SLC1A1: variants seen among roughly 807,000 people sequenced by gnomAD.
The protein encoded by SLC1A1 is solute carrier family 1 member 1, also known as excitatory amino acid transporter 3.
Under a neutral mutation model 53.3 loss-of-function variants are expected in SLC1A1, and 43 were observed. The observed-to-expected ratio is 0.81, with a 90% CI of 0.63 to 1.04. The LOEUF is 1.04. Among genes scored for constraint, SLC1A1 ranks in the 50% least tolerant of loss-of-function variants. The pLI is 0.00. For missense variants in SLC1A1, 748 were observed against 664.9 expected, an observed-to-expected ratio of 1.12 and a Z score of -1.37; for synonymous variants, 307 against 243.2, an observed-to-expected ratio of 1.26 and a Z score of -2.44.
At chr9:4,540,732 C>A (rs746731585) in intron 1 of SLC1A1, among the ~76,000 whole-genome samples, 7 of 152,310 alleles carry the variant, frequency 4.6e-5, no homozygotes, top group Non-Finnish European at 8.8e-5. Flanking sequence ...AGATCCAGCA[C>A]CCGTGCACTG....
intron 2 of SLC1A1, among the ~76,000 whole-genome samples, chr9:4,550,348 G>C (rs115052991): frequency 6.6e-6 from 1 of 152,110 alleles, no homozygotes; most frequent in African/African-American, 2.4e-5. Flanking sequence ...AAAATTTTTA[G>C]GGCTTGACCT....
chr9:4,527,345 C>T (rs78835929), intron 1 of SLC1A1, among the ~76,000 whole-genome samples: 3,407 of 152,204 alleles, frequency 0.022, 129 homozygotes, highest in African/African-American at 0.079. Flanking sequence ...AAATATTACC[C>T]GTGTGTTGTT....
chr9:4,560,552 T>A (rs1293554864), intron 2 of SLC1A1, among the ~76,000 whole-genome samples: 1 of 152,220 alleles, frequency 6.6e-6, no homozygotes, highest in East Asian at 1.9e-4. Context: ...CATCTTTACC[T>A]TTTCTCCTTT....
chr9:4,500,888 G>A (rs113789775), intron 1 of SLC1A1, among the ~76,000 whole-genome samples: 1 of 152,154 alleles, frequency 6.6e-6, no homozygotes, highest in African/African-American at 2.4e-5. Flanking sequence ...CCAGCTCACA[G>A]ATGCTTCATG....
chr9:4,553,526 C>T (rs983088999), intron 2 of SLC1A1: 7 of 152,168 alleles, frequency 4.6e-5, no homozygotes, highest in African/African-American at 1.7e-4. Context: ...GCCACCACCA[C>T]CGGCTAATTT....
At chr9:4,494,402 TTTGA>T (rs750294154) in intron 1 of SLC1A1, among the ~76,000 whole-genome samples, 8 of 152,278 alleles carry the variant, frequency 5.3e-5, no homozygotes, top group Non-Finnish European at 8.8e-5. Flanking sequence ...ATCTGAATAA[TTTGA>T]TTATGAGAAA....
At chr9:4,571,198 A>G (rs1283014935) in intron 6 of SLC1A1, among the ~76,000 whole-genome samples, 5 of 152,166 alleles carry the variant, frequency 3.3e-5, no homozygotes, top group African/African-American at 1.2e-4. Context: ...ACATGGACAC[A>G]TAGAGGGGAA....
chr9:4,570,120 C>G (rs560076630), intron 6 of SLC1A1, among the ~76,000 whole-genome samples: 8 of 152,276 alleles, frequency 5.3e-5, no homozygotes, highest in South Asian at 4.1e-4. Flanking sequence ...TTCCTCAGCC[C>G]TAGCTTTCCC....
rs536210087 is a variant in SLC1A1 at position 4,556,256 on chromosome 9, G to C, written c.233-5193G>C. ...GCTGGTCTCAAACTCCTGACCTCAG[G>C]TGATCCACCTGCCTGGGCCTCCCAA... On this transcript the variant is annotated intron_variant, in intron 2 of 11. Coordinates refer to ENST00000262352, the MANE Select transcript of SLC1A1 (RefSeq NM_004170.6). This position sits in a 1 kb window ranked among gnomAD's most constrained non-coding sequence, Gnocchi z 4.1. Among the ~76,000 whole-genome samples, 1 of 152,272 alleles carries C rather than the reference G, an allele frequency of 6.6e-6. No homozygotes were observed. The highest frequency in any genetic ancestry group is 2.1e-4 in the South Asian group (1 of 4,818).
intron 1 of SLC1A1, among the ~76,000 whole-genome samples, chr9:4,541,743 T>C (rs548025121): frequency 6.6e-6 from 1 of 152,236 alleles, no homozygotes; most frequent in Non-Finnish European, 1.5e-5. Context: ...TTTTCAATTA[T>C]TTATTTTCAC....
chr9:4,523,163 G>A (rs1816142011), intron 1 of SLC1A1, among the ~76,000 whole-genome samples: 1 of 152,156 alleles, frequency 6.6e-6, no homozygotes, highest in South Asian at 2.1e-4. Flanking sequence ...CCTGTGCTGA[G>A]TTGCATCTAT....
intron 1 of SLC1A1, among the ~76,000 whole-genome samples, chr9:4,530,712 A>C (rs1816435869): frequency 6.6e-6 from 1 of 152,330 alleles, no homozygotes; most frequent in South Asian, 2.1e-4. Flanking sequence ...TTGCTTTAAT[A>C]ACACAATTAT....
chr9:4,525,795 A>T (rs1305522622), intron 1 of SLC1A1, among the ~76,000 whole-genome samples: 1 of 152,184 alleles, frequency 6.6e-6, no homozygotes, highest in Non-Finnish European at 1.5e-5. Context: ...CATCACAGAG[A>T]GATAAAAAAT....
chr9:4,501,552 G>T (rs927986107), intron 1 of SLC1A1, among the ~76,000 whole-genome samples: 1 of 151,534 alleles, frequency 6.6e-6, no homozygotes, highest in Admixed American at 6.6e-5. Context: ...ATCACCTGAG[G>T]TCAGGAGTTC....
chr9:4,516,599 C>T (rs896121118), intron 1 of SLC1A1, among the ~76,000 whole-genome samples: 5 of 152,218 alleles, frequency 3.3e-5, no homozygotes, highest in African/African-American at 1.2e-4. Flanking sequence ...ATGGGCTTCA[C>T]TTTCCTGCCT....
intron 3 of SLC1A1, among the ~76,000 whole-genome samples, 177 bp downstream of exon 3, chr9:4,561,718 G>A (rs568143661): frequency 1.3e-5 from 2 of 151,978 alleles, no homozygotes; most frequent in East Asian, 1.9e-4. Flanking sequence ...ATGAAAACCC[G>A]TTTCTACCAA....
At chr9:4,534,681 A>C (rs1816606436) in intron 1 of SLC1A1, among the ~76,000 whole-genome samples, 1 of 133,878 alleles carries the variant, frequency 7.5e-6, no homozygotes, top group African/African-American at 2.7e-5. Context: ...CAATCAATAG[A>C]AAAAGAGGGA....
intron 4 of SLC1A1, among the ~76,000 whole-genome samples, chr9:4,565,640 C>T (rs949016842): frequency 1.3e-5 from 2 of 152,148 alleles, no homozygotes; most frequent in Non-Finnish European, 2.9e-5. Flanking sequence ...TCCCACAAGG[C>T]CCCTCCCCTG....
chr9:4,502,743 A>G (rs1820679437), intron 1 of SLC1A1, among the ~76,000 whole-genome samples: 1 of 151,748 alleles, frequency 6.6e-6, no homozygotes, highest in Middle Eastern at 3.2e-3. Context: ...GTAAACCTTG[A>G]TACACCTACA....
Sources: allele counts gnomAD v4.1 joint callset (sites outside exome capture counted in the v4.1 genomes callset), GRCh38; gene constraint gnomAD v4.1.1; non-coding constraint Gnocchi (gnomAD v3.1); transcripts MANE v1.5; gene names NCBI Gene and HGNC (gene_info 2026-07-23, HGNC 2026-07-21).